The following NTNG1 variants were observed in gnomAD, a reference collection of about 807,000 sequenced individuals.
NTNG1 encodes netrin G1.
NTNG1 carries 16 observed loss-of-function variants against 54.0 expected under a neutral mutation model. That is an observed-to-expected ratio of 0.30 (90% confidence interval 0.20 to 0.45). The LOEUF is 0.45. Among genes scored for constraint, NTNG1 ranks in the 20% least tolerant of loss-of-function variants. NTNG1 has a pLI of 1.00. For synonymous variants in NTNG1, 255 were observed against 263.1 expected (o/e 0.97, Z 0.30); for missense variants, 530 against 678.7 (o/e 0.78, Z 2.43).
rs139960423 is a variant in NTNG1 at position 107,269,797 on chromosome 1, T to G, written c.247-54485T>G. ...CTACTTAGCAGATTCCATGGTTGAG[T>G]TACTTTTAGAGATTTTCTTTCTTTT... On this transcript the variant is annotated intron_variant, in intron 2 of 7. Coordinates refer to ENST00000370068, the MANE Select transcript of NTNG1 (RefSeq NM_001113226.3). Among the ~76,000 whole-genome samples, 16 of 152,328 alleles carry G rather than the reference T, an allele frequency of 1.1e-4. No individual in the cohort carries two copies. In the East Asian group the frequency reaches 2.9e-3, roughly 28 times the overall value.
intron 3 of NTNG1, among the ~76,000 whole-genome samples, chr1:107,325,756 C>G (rs1257978580): frequency 7.2e-5 from 11 of 151,838 alleles, no homozygotes; most frequent in Admixed American, 7.2e-4. Flanking sequence ...GGAGTGGAAG[C>G]ATGAGATAAT....
At chr1:107,346,709 C>T (rs1341199430) in intron 3 of NTNG1, among the ~76,000 whole-genome samples, 1 of 151,756 alleles carries the variant, frequency 6.6e-6, no homozygotes, top group Admixed American at 6.6e-5. Flanking sequence ...GCAAGGCACC[C>T]CCTACTTAAC....
At chr1:107,435,767 A>G (rs1675556612) in intron 6 of NTNG1, among the ~76,000 whole-genome samples, 2 of 152,188 alleles carry the variant, frequency 1.3e-5, no homozygotes. Flanking sequence ...CCTCAAAAGT[A>G]TTAGAAGAGT....
intron 3 of NTNG1, among the ~76,000 whole-genome samples, chr1:107,358,748 T>C (rs1274981454): frequency 2.0e-5 from 3 of 151,944 alleles, no homozygotes; most frequent in Non-Finnish European, 4.4e-5. Flanking sequence ...AATTTGAGCA[T>C]ATTTTTACCC....
At chr1:107,316,612 T>C (rs1424850953) in intron 2 of NTNG1, among the ~76,000 whole-genome samples, 1 of 152,146 alleles carries the variant, frequency 6.6e-6, no homozygotes, top group Non-Finnish European at 1.5e-5. Context: ...AAATATCTGT[T>C]TTTTATATAA....
chr1:107,376,349 AG>A (rs1407199781), intron 3 of NTNG1, among the ~76,000 whole-genome samples: 2 of 151,864 alleles, frequency 1.3e-5, no homozygotes, highest in African/African-American at 4.8e-5. Flanking sequence ...CGGAGCTTAC[AG>A]TGAGCCGAGG....
At chr1:107,143,600 A>G (rs1474479149) in intron 1 of NTNG1, among the ~76,000 whole-genome samples, 1 of 152,154 alleles carries the variant, frequency 6.6e-6, no homozygotes, top group Non-Finnish European at 1.5e-5. Context: ...TATATTGTAT[A>G]GGAGATTATA....
chr1:107,309,880 C>T (rs1011192060), intron 2 of NTNG1, among the ~76,000 whole-genome samples: 2 of 152,176 alleles, frequency 1.3e-5, no homozygotes, highest in African/African-American at 2.4e-5. Flanking sequence ...AGCCTTACTC[C>T]TGGCCTCCCA....
intron 2 of NTNG1, among the ~76,000 whole-genome samples, chr1:107,220,800 C>T (rs1660289124): frequency 6.6e-6 from 1 of 152,116 alleles, no homozygotes; most frequent in South Asian, 2.1e-4. Context: ...GTCTTATTCA[C>T]AATCAGGCAC....
At chr1:107,225,005 A>G (rs1278930235) in intron 2 of NTNG1, among the ~76,000 whole-genome samples, 1 of 152,186 alleles carries the variant, frequency 6.6e-6, no homozygotes, top group Non-Finnish European at 1.5e-5. Flanking sequence ...TTAATTGTAT[A>G]GTACCTAGCA....
chr1:107,438,542 T>C (rs1438495398), intron 7 of NTNG1, among the ~76,000 whole-genome samples: 2 of 151,932 alleles, frequency 1.3e-5, no homozygotes, highest in Admixed American at 1.3e-4. Context: ...AAGAGGAGAA[T>C]AGGCAGAGGA....
chr1:107,306,556 GCCTGGCCAAGATGGTGAAAC>G (rs1278197440), intron 2 of NTNG1, among the ~76,000 whole-genome samples: 1 of 152,130 alleles, frequency 6.6e-6, no homozygotes, highest in Non-Finnish European at 1.5e-5. Flanking sequence ...TTCAAAACTA[GCCTGGCCAAGATGGTGAAAC>G]CCTGCCTCTA....
chr1:107,184,321 A>T (rs1657291476), intron 2 of NTNG1, among the ~76,000 whole-genome samples: 1 of 152,134 alleles, frequency 6.6e-6, no homozygotes, highest in African/African-American at 2.4e-5. Context: ...GAGACATGGG[A>T]GACACACAGC....
chr1:107,313,242 G>T (rs1007415500), intron 2 of NTNG1, among the ~76,000 whole-genome samples: 11 of 152,244 alleles, frequency 7.2e-5, no homozygotes, highest in African/African-American at 2.4e-4. Flanking sequence ...AGATTTGTCT[G>T]GTATTTCCTC....
intron 7 of NTNG1, among the ~76,000 whole-genome samples, chr1:107,477,341 C>T (rs1678395990): frequency 6.6e-6 from 1 of 152,200 alleles, no homozygotes; most frequent in African/African-American, 2.4e-5. Context: ...ATGTGAAGGG[C>T]CGTTGCTGGG....
intron 5 of NTNG1, among the ~76,000 whole-genome samples, chr1:107,425,425 C>T (rs1674840081): frequency 1.3e-5 from 2 of 152,020 alleles, no homozygotes; most frequent in South Asian, 4.1e-4. Flanking sequence ...TACATAAGAA[C>T]ATGCAATATT....
intron 2 of NTNG1, among the ~76,000 whole-genome samples, chr1:107,186,446 G>C (rs916450024): frequency 1.3e-5 from 2 of 152,104 alleles, no homozygotes; most frequent in Non-Finnish European, 2.9e-5. Flanking sequence ...TACACTTAGC[G>C]TAAAATCCAG....
chr1:107,441,476 A>G (rs776284), intron 7 of NTNG1, among the ~76,000 whole-genome samples: 74,455 of 151,950 alleles, frequency 0.49, 18,615 homozygotes, highest in South Asian at 0.54. Flanking sequence ...ATTTTGGAAG[A>G]TGCTAGAGCT....
chr1:107,355,630 C>A (rs1669893027), intron 3 of NTNG1, among the ~76,000 whole-genome samples: 1 of 152,054 alleles, frequency 6.6e-6, no homozygotes, highest in Non-Finnish European at 1.5e-5. Flanking sequence ...GTTTCCTTGC[C>A]AATTGTCTCA....
Sources: gnomAD v4.1 joint callset for allele counts (sites outside exome capture counted in the v4.1 genomes callset) on GRCh38, gnomAD v4.1.1 for gene constraint, MANE v1.5 for transcripts, NCBI Gene and HGNC (gene_info 2026-07-23, HGNC 2026-07-21) for gene names.